Variants in NUAK1 observed in about 807,000 individuals in gnomAD.
The protein encoded by NUAK1 is NUAK family kinase 1.
A neutral mutation model predicts 56.9 loss-of-function variants in NUAK1; 26 were observed. That is an observed-to-expected ratio of 0.46 (90% CI 0.33 to 0.63). The LOEUF (loss-of-function observed/expected upper bound fraction) is 0.63, where lower values mean the gene tolerates loss of function less well. Among genes scored for constraint, NUAK1 ranks in the 30% least tolerant of loss-of-function variants. The pLI is 0.02. For synonymous variants in NUAK1, 337 were observed against 336.0 expected, an observed-to-expected ratio of 1.00 and a Z score of -0.03; for missense variants, 727 against 876.1, an observed-to-expected ratio of 0.83 and a Z score of 2.15.
intron 1 of NUAK1, among the ~76,000 whole-genome samples, chr12:106,125,657 C>T (rs940226543): frequency 1.1e-4 from 17 of 152,232 alleles, no homozygotes; most frequent in Admixed American, 1.0e-3. Context: ...TCCTACACAA[C>T]CAAATAAGTG....
Position 106,138,571 on chromosome 12 carries a change from G to A in NUAK1, c.83C>T (p.Ala28Val). The A allele has an allele frequency of 6.2e-7, 1 of 1,603,128 alleles. No homozygotes were observed. The highest frequency in any genetic ancestry group is 8.5e-7 in the Non-Finnish European group (1 of 1,178,418). Residue 28 changes from alanine (A) to valine (V), a missense_variant, in exon 1 of 7, where the codon GCG (alanine) becomes GTG (valine). Physicochemically the swap from Ala to Val is moderately conservative, Grantham distance 64. Transcript: ENST00000261402. This position sits in a 1 kb window ranked among gnomAD's most constrained non-coding sequence, Gnocchi z 5.0. The stretch of plus-strand genomic sequence containing the variant: ...GGGCTCCAGGGCTGCAGTCGCCCCC[G>A]CCACCGCCTCTCGGGGAGAGCCCGG... The part of the protein sequence containing the change: ...GAPGSPREAV[A>V]GATAALEPRK...
chr12:106,083,969 C>A (rs2032546841), intron 3 of NUAK1, 40 bp from the exon 4 acceptor site: 1 of 1,548,974 alleles, frequency 6.5e-7, no homozygotes, highest in African/African-American at 1.4e-5. Context: ...ATGGGAGCGG[C>A]TGGGATGAGA....
intron 4 of NUAK1, among the ~76,000 whole-genome samples, chr12:106,082,447 A>AC (rs3837504): frequency 1.3e-5 from 2 of 152,178 alleles, no homozygotes; most frequent in East Asian, 3.9e-4. Context: ...TAGTACTGTT[A>AC]CCCCGTTTTA....
At chr12:106,099,929 C>T (rs1390675498) in intron 2 of NUAK1, among the ~76,000 whole-genome samples, 2 of 151,308 alleles carry the variant, frequency 1.3e-5, no homozygotes, top group East Asian at 2.0e-4. Context: ...TAGCTGGGAC[C>T]ACAGGCATGC....
In NUAK1 at chr12:106,129,237, C is replaced by A. The variant is rs17038154; in HGVS notation, c.240+9177G>T. 5.2e-4 allele frequency among the ~76,000 whole-genome samples: 79 copies of A among 152,348 alleles called. 1 individual carries two copies. The East Asian group carries it at 0.015, about 29-fold the overall frequency. On this transcript the variant is annotated intron_variant, in intron 1 of 6. Coordinates refer to ENST00000261402, the MANE Select transcript of NUAK1 (RefSeq NM_014840.3). ...CTGTGCATACAATGCTAAGGGGAAGCGTGACCCAGAGAAGGAGGAGGATGG... is the reference window on the plus strand; with the variant it reads ...CTGTGCATACAATGCTAAGGGGAAGAGTGACCCAGAGAAGGAGGAGGATGG...
At chr12:106,087,663 A>G (rs1435369660) in intron 2 of NUAK1, among the ~76,000 whole-genome samples, 1 of 152,272 alleles carries the variant, frequency 6.6e-6, no homozygotes, top group Non-Finnish European at 1.5e-5. Context: ...TAAGGTTTTA[A>G]GTACCTCACA....
chr12:106,123,901 T>C (rs558446311), intron 1 of NUAK1, among the ~76,000 whole-genome samples: 16 of 152,288 alleles, frequency 1.1e-4, no homozygotes, highest in Non-Finnish European at 1.9e-4. Context: ...ATTTCTTTGC[T>C]TCAAGCGTAA....
chr12:106,102,283 C>T (rs1006190325), intron 2 of NUAK1, among the ~76,000 whole-genome samples: 9 of 152,106 alleles, frequency 5.9e-5, no homozygotes, highest in Admixed American at 3.3e-4. Context: ...GCTATGTACC[C>T]TCTCTCAGAA....
chr12:106,083,955 T>C lies in NUAK1; in HGVS notation c.514-26A>G, dbSNP rs77220871. On this transcript the variant is annotated intron_variant, in intron 3 of 6. Transcript: ENST00000261402. Reference sequence around the variant, plus strand: ...CTGAAATGAGAAGACAAAGAGGGAATTGAATGGGAGCGGCTGGGATGAGAA... The same window carrying C: ...CTGAAATGAGAAGACAAAGAGGGAACTGAATGGGAGCGGCTGGGATGAGAA... 4,355 of 1,602,064 alleles carry C rather than the reference T, an allele frequency of 2.7e-3. 77 individuals carry two copies. The African/African-American group carries it at 0.048, about 18-fold the overall frequency.
At chr12:106,122,686 T>C (rs1401074220) in intron 1 of NUAK1, among the ~76,000 whole-genome samples, 1 of 152,200 alleles carries the variant, frequency 6.6e-6, no homozygotes, top group Admixed American at 6.5e-5. Flanking sequence ...TGTCCAGAGC[T>C]GTGTTCTCAA....
intron 1 of NUAK1, among the ~76,000 whole-genome samples, chr12:106,123,898 T>A (rs1215606): frequency 6.6e-6 from 1 of 152,140 alleles, no homozygotes; most frequent in Non-Finnish European, 1.5e-5. Context: ...GAGATTTCTT[T>A]GCTTCAAGCG....
At chr12:106,114,856 G>A (rs934113882) in intron 1 of NUAK1, among the ~76,000 whole-genome samples, 1 of 152,184 alleles carries the variant, frequency 6.6e-6, no homozygotes, top group African/African-American at 2.4e-5. Context: ...TTAATAAACC[G>A]AGATGGGAGT....
intron 1 of NUAK1, among the ~76,000 whole-genome samples, chr12:106,112,564 G>A (rs12316927): frequency 6.6e-6 from 1 of 152,006 alleles, no homozygotes; most frequent in Non-Finnish European, 1.5e-5. Context: ...AAATGACCCC[G>A]GGCTCTTTAT....
Position 106,066,381 on chromosome 12 carries a change from C to A in NUAK1, c.*421G>T. 5.8e-6 allele frequency: 1 copy of A among 173,350 alleles called. No individual in the cohort carries two copies. The highest frequency in any genetic ancestry group is 1.3e-5 in the Non-Finnish European group (1 of 79,928). The allele number at this position is 173,350 out of a possible 1,614,324, so 10.7% of individuals were successfully genotyped here. On this transcript the variant is annotated 3_prime_UTR_variant, in exon 7 of 7. Transcript: ENST00000261402. ...CGCAGCCAGACCTAGCTTGCTAATA[C>A]AAGGAGAAAAGGGGCAAGTTCTTTG...
chr12:106,073,717 C>G (rs2032431413), intron 4 of NUAK1, among the ~76,000 whole-genome samples: 2 of 152,004 alleles, frequency 1.3e-5, no homozygotes, highest in African/African-American at 2.4e-5. Context: ...ACTCGGGAGG[C>G]TGAGGCATGA....
intron 4 of NUAK1, among the ~76,000 whole-genome samples, chr12:106,082,452 G>A (rs558990853): frequency 5.3e-5 from 8 of 152,180 alleles, no homozygotes; most frequent in Non-Finnish European, 7.3e-5. Context: ...CTGTTACCCC[G>A]TTTTACAGCT....
intron 1 of NUAK1, among the ~76,000 whole-genome samples, chr12:106,125,684 TTTTCTCCTCTCCA>T (rs2033019002): frequency 6.6e-6 from 1 of 152,204 alleles, no homozygotes; most frequent in African/African-American, 2.4e-5. Context: ...TCCACTTCAT[TTTTCTCCTCTCCA>T]GGATCTCTAC....
rs2033157732 is a variant in NUAK1 at position 106,138,884 on chromosome 12, G to A, written c.-231C>T. The A allele has an allele frequency of 4.4e-6, 2 of 458,900 alleles. No individual in the cohort carries two copies. The highest frequency in any genetic ancestry group is 1.7e-4 in the South Asian group (2 of 12,006). 28.4% of individuals were successfully genotyped at this position (458,900 alleles called of 1,614,324 possible). A position where few individuals can be genotyped will look rare whatever the true frequency, so the allele number is the denominator to read the frequency against. On this transcript the variant is annotated 5_prime_UTR_variant, in exon 1 of 7. Coordinates refer to ENST00000261402, the MANE Select transcript of NUAK1 (RefSeq NM_014840.3). This position sits in a 1 kb window ranked among gnomAD's most constrained non-coding sequence, Gnocchi z 5.0. ...CACCGCCCCCCGGCCGCGGCGAGCT[G>A]TGGAGCGTCGGGCGAGGTGGCGGCG...
chr12:106,066,493 T>G lies in NUAK1; in HGVS notation c.*309A>C. 2.7e-6 allele frequency: 1 copy of G among 375,412 alleles called. No homozygotes were observed. The highest frequency in any genetic ancestry group is 4.9e-6 in the Non-Finnish European group (1 of 204,074). 23.3% of individuals were successfully genotyped at this position (375,412 alleles called of 1,614,324 possible). On this transcript the variant is annotated 3_prime_UTR_variant, in exon 7 of 7. Coordinates refer to ENST00000261402, the MANE Select transcript of NUAK1 (RefSeq NM_014840.3). Reference sequence around the variant, plus strand: ...CTTCTAAGGAAATGCTCCTTCCACATATGCTTCCTCTCCACCCACTGAGTG... The same window carrying G: ...CTTCTAAGGAAATGCTCCTTCCACAGATGCTTCCTCTCCACCCACTGAGTG...
Sources: gnomAD v4.1 joint callset for allele counts (sites outside exome capture counted in the v4.1 genomes callset) on GRCh38, gnomAD v4.1.1 for gene constraint, Gnocchi (gnomAD v3.1) non-coding constraint, MANE v1.5 for transcripts, NCBI Gene and HGNC (gene_info 2026-07-23, HGNC 2026-07-21) for gene names.